The following LYRM4 variants were observed in gnomAD, a reference collection of about 807,000 sequenced individuals.
LYRM4 encodes the protein LYR motif containing 4, also known as LYR motif-containing protein 4.
In LYRM4, 9 loss-of-function variants were observed where a neutral mutation model predicts 11.7. That is an observed-to-expected ratio of 0.77 (90% CI 0.46 to 1.34). LYRM4 has a LOEUF of 1.34. Among genes scored for constraint, LYRM4 ranks in the 40% most tolerant of loss-of-function variants. LYRM4 has a pLI of 0.00. For missense variants in LYRM4, 133 were observed against 112.5 expected, an observed-to-expected ratio of 1.18 and a Z score of -0.82; for synonymous variants, 42 against 40.4, an observed-to-expected ratio of 1.04 and a Z score of -0.15.
chr6:5,206,953 G>T (rs1467372901), intron 2 of LYRM4, among the ~76,000 whole-genome samples: 1 of 152,042 alleles, frequency 6.6e-6, no homozygotes, highest in African/African-American at 2.4e-5. Flanking sequence ...AGATAGCTTG[G>T]CTCTGGTATT....
At chr6:5,177,220 G>A (rs187668778) in intron 2 of LYRM4, among the ~76,000 whole-genome samples, 33 of 152,342 alleles carry the variant, frequency 2.2e-4, no homozygotes, top group Admixed American at 1.1e-3. Flanking sequence ...ACAGGTGAGC[G>A]TAGAAGATTC....
At chr6:5,205,428 C>T (rs548546639) in intron 2 of LYRM4, among the ~76,000 whole-genome samples, 11 of 152,008 alleles carry the variant, frequency 7.2e-5, no homozygotes, top group Non-Finnish European at 1.3e-4. Context: ...CCATAAAATA[C>T]GACTATCGGG....
chr6:5,238,186 G>A (rs758579073), intron 1 of LYRM4, among the ~76,000 whole-genome samples: 17 of 151,940 alleles, frequency 1.1e-4, no homozygotes, highest in Admixed American at 3.9e-4. Flanking sequence ...AAAATATATC[G>A]AAATTCAGAA....
intron 2 of LYRM4, among the ~76,000 whole-genome samples, chr6:5,145,888 T>G (rs991601011): frequency 6.6e-6 from 1 of 152,108 alleles, no homozygotes; most frequent in Non-Finnish European, 1.5e-5. Context: ...TGCATTCCAT[T>G]CCATTCCACT....
chr6:5,159,052 ATGCTAAAGCCATGGATTTCGG>A (rs1310637666), intron 2 of LYRM4, among the ~76,000 whole-genome samples: 4 of 152,192 alleles, frequency 2.6e-5, no homozygotes, highest in Non-Finnish European at 4.4e-5. Flanking sequence ...ATGCCACTGT[ATGCTAAAGCCATGGATTTCGG>A]GGAAAGGCAT....
At chr6:5,038,886 GA>G in the LYRM4 span, among the ~76,000 whole-genome samples, 6 of 8,422 alleles carry the variant, frequency 7.1e-4, 1 homozygote, top group African/African-American at 1.7e-3. Context: ...CGTGGAGGGA[GA>G]GAGAGGGAGA....
chr6:5,196,118 C>T (rs1272119383), intron 2 of LYRM4, among the ~76,000 whole-genome samples: 1 of 152,202 alleles, frequency 6.6e-6, no homozygotes, highest in East Asian at 1.9e-4. Context: ...GTAAGAGTCA[C>T]TCAAGGACGC....
the LYRM4 span, chr6:5,086,617 G>A: frequency 7.4e-7 from 1 of 1,359,962 alleles, no homozygotes; most frequent in Non-Finnish European, 9.8e-7. Flanking sequence ...GTGGAGCTCG[G>A]GCTGCCGCCT....
intron 2 of LYRM4, among the ~76,000 whole-genome samples, chr6:5,202,858 T>G (rs1477233137): frequency 6.6e-6 from 1 of 152,186 alleles, no homozygotes; most frequent in African/African-American, 2.4e-5. Flanking sequence ...GGAATTCAAG[T>G]TTGTGGAATC....
chr6:5,182,747 G>C (rs72811693), intron 2 of LYRM4, among the ~76,000 whole-genome samples: 2,949 of 152,316 alleles, frequency 0.019, 32 homozygotes, highest in South Asian at 0.04. Flanking sequence ...AGCCATGAGA[G>C]AGGACAGTAA....
At chr6:5,230,139 C>T (rs145398573) in intron 1 of LYRM4, among the ~76,000 whole-genome samples, 142 of 152,272 alleles carry the variant, frequency 9.3e-4, no homozygotes, top group East Asian at 4.0e-3. Flanking sequence ...GGGTTTTAGA[C>T]GTGCCTATTT....
At chr6:5,250,807 C>T (rs1270409225) in intron 1 of LYRM4, among the ~76,000 whole-genome samples, 1 of 152,128 alleles carries the variant, frequency 6.6e-6, no homozygotes, top group Admixed American at 6.5e-5. Flanking sequence ...TTACTATGTT[C>T]TTACATATGG....
intron 2 of LYRM4, among the ~76,000 whole-genome samples, chr6:5,111,742 C>G (rs1762892538): frequency 6.6e-6 from 1 of 152,190 alleles, no homozygotes; most frequent in South Asian, 2.1e-4. Flanking sequence ...CTGGAAAGGC[C>G]CTGGGATGGG....
At chr6:5,066,487 C>T in the LYRM4 span, 15 of 767,606 alleles carry the variant, frequency 2.0e-5, no homozygotes, top group East Asian at 2.2e-4. Flanking sequence ...GAAGCCATAG[C>T]GGGTGGTTTT....
the LYRM4 span, among the ~76,000 whole-genome samples, chr6:5,040,713 T>C: frequency 3.3e-5 from 5 of 152,310 alleles, no homozygotes; most frequent in South Asian, 2.1e-4. Flanking sequence ...TTACCCTGAT[T>C]TGATTATTAT....
intron 1 of LYRM4, among the ~76,000 whole-genome samples, chr6:5,229,305 A>G (rs1170692022): frequency 6.6e-6 from 1 of 152,172 alleles, no homozygotes; most frequent in African/African-American, 2.4e-5. Flanking sequence ...TTGCCAAGCA[A>G]ATGAAAAAGG....
At chr6:5,176,655 G>C (rs946685003) in intron 2 of LYRM4, among the ~76,000 whole-genome samples, 2 of 152,202 alleles carry the variant, frequency 1.3e-5, no homozygotes, top group Non-Finnish European at 2.9e-5. Context: ...ACTGAGGCCT[G>C]AAGCACTGAA....
intron 2 of LYRM4, among the ~76,000 whole-genome samples, chr6:5,164,485 C>T (rs929030361): frequency 2.0e-5 from 3 of 152,084 alleles, no homozygotes; most frequent in Admixed American, 2.0e-4. Context: ...TATATAAAGA[C>T]AGCACCACTG....
At chr6:5,075,941 A>AT in the LYRM4 span, among the ~76,000 whole-genome samples, 48,405 of 145,406 alleles carry the variant, frequency 0.33, 8,190 homozygotes, top group Non-Finnish European at 0.4. Context: ...GGGTTTATGT[A>AT]TTTTTTTTTT....
Sources: allele counts gnomAD v4.1 joint callset (sites outside exome capture counted in the v4.1 genomes callset), GRCh38; gene constraint gnomAD v4.1.1; transcripts MANE v1.5; gene names NCBI Gene and HGNC (gene_info 2026-07-23, HGNC 2026-07-21).